The following RBMS1 variants were observed in gnomAD, a reference collection of about 807,000 sequenced individuals.
RBMS1 encodes RNA-binding motif, single-stranded-interacting protein 1.
Under a neutral mutation model 62.3 loss-of-function variants are expected in RBMS1, and 17 were observed. That is an observed-to-expected ratio of 0.27 (90% CI 0.19 to 0.41). The LOEUF (loss-of-function observed/expected upper bound fraction) is 0.41. Among genes scored for constraint, RBMS1 ranks in the 10% least tolerant of loss-of-function variants. The pLI is 1.00. For missense variants in RBMS1, 334 were observed against 504.5 expected (o/e 0.66, Z 3.24); for synonymous variants, 172 against 170.0 (o/e 1.01, Z -0.09).
chr2:160,392,000 TGTA>T (rs1459648848), intron 1 of RBMS1, among the ~76,000 whole-genome samples: 1 of 151,814 alleles, frequency 6.6e-6, no homozygotes, highest in Non-Finnish European at 1.5e-5. Context: ...TAATAACCAA[TGTA>T]GTAACGATTA....
intron 3 of RBMS1, 23 bp from the exon 4 acceptor site, chr2:160,313,270 G>C: frequency 6.2e-7 from 1 of 1,606,678 alleles, no homozygotes; most frequent in Non-Finnish European, 8.5e-7. Context: ...AACACACTTA[G>C]TATTTAAGCC....
Position 160,349,120 on chromosome 2 carries a change from T to C in RBMS1, c.251+18096A>G, listed in dbSNP as rs144482470. The stretch of plus-strand genomic sequence containing the variant: ...ATGAGTTACTAGTGGTTGTATTGTA[T>C]AGGGAAAGATTCCGAGGCTCAGCCA... On this transcript the variant is annotated intron_variant, in intron 2 of 13. Transcript: ENST00000348849. 1.6e-4 allele frequency among the ~76,000 whole-genome samples: 25 copies of C among 152,194 alleles called. No individual in the cohort carries two copies. In the East Asian group the frequency reaches 4.7e-3, roughly 28 times the overall value.
At chr2:160,392,363 T>C (rs1018455057) in intron 1 of RBMS1, among the ~76,000 whole-genome samples, 5 of 152,058 alleles carry the variant, frequency 3.3e-5, no homozygotes, top group African/African-American at 7.2e-5. Flanking sequence ...TTATATATTA[T>C]CTATGGCTGC....
chr2:160,436,254 T>G (rs1290118759), intron 1 of RBMS1, among the ~76,000 whole-genome samples: 1 of 152,240 alleles, frequency 6.6e-6, no homozygotes, highest in Non-Finnish European at 1.5e-5. Flanking sequence ...TCCTGGCAGC[T>G]TATTCCTCTC....
At chr2:160,388,628 G>C (rs921784076) in intron 1 of RBMS1, among the ~76,000 whole-genome samples, 2 of 152,076 alleles carry the variant, frequency 1.3e-5, no homozygotes, top group Non-Finnish European at 2.9e-5. Flanking sequence ...AATGACACTT[G>C]ACTTGTCACT....
rs545508451 is a variant in RBMS1 at position 160,473,169 on chromosome 2, C to T, written c.75+20120G>A. 5.9e-5 allele frequency among the ~76,000 whole-genome samples: 9 copies of T among 152,290 alleles called. No individual in the cohort carries two copies. The East Asian group carries it at 1.2e-3, about 20-fold the overall frequency. On this transcript the variant is annotated intron_variant, in intron 1 of 13. Coordinates refer to ENST00000348849, the MANE Select transcript of RBMS1 (RefSeq NM_016836.4). ...TTGATTAGTGCAGATTGCTCTGTCA[C>T]GTAAAACAAGCTGGCATTTGGAAAC...
At chr2:160,483,363 T>C (rs1375369125) in intron 1 of RBMS1, among the ~76,000 whole-genome samples, 1 of 152,232 alleles carries the variant, frequency 6.6e-6, no homozygotes, top group Non-Finnish European at 1.5e-5. Flanking sequence ...ATTAGGAGTA[T>C]ACATTTATCA....
chr2:160,349,583 A>G (rs138295218), intron 2 of RBMS1, among the ~76,000 whole-genome samples: 35 of 133,678 alleles, frequency 2.6e-4, no homozygotes, highest in African/African-American at 7.7e-4. Flanking sequence ...GAGAGAGAGA[A>G]AGGAAGGGAG....
rs1461354504 is a variant in RBMS1, at chr2:160,284,994, C to G, written c.806+1G>C. On this transcript the variant is annotated splice_donor_variant, in intron 8 of 13. Coordinates refer to ENST00000348849, the MANE Select transcript of RBMS1 (RefSeq NM_016836.4). LOFTEE classifies it high-confidence loss of function. ...ATTATGGATTTATTTTAACGACATA[C>G]CCGTTCTGTATAGCAGCTGTAGTTG... 6.2e-7 allele frequency: 1 copy of G among 1,612,494 alleles called. No homozygotes were observed. Among genetic ancestry groups the G allele is most frequent in the Non-Finnish European group, 8.5e-7 (1 of 1,178,490 alleles).
At chr2:160,383,641 T>C (rs7573858) in intron 1 of RBMS1, among the ~76,000 whole-genome samples, 3,243 of 152,334 alleles carry the variant, frequency 0.021, 122 homozygotes, top group African/African-American at 0.072. Flanking sequence ...TTTATTTGTG[T>C]TATGAATATT....
chr2:160,398,832 C>T (rs1414656783), intron 1 of RBMS1, among the ~76,000 whole-genome samples: 1 of 152,078 alleles, frequency 6.6e-6, no homozygotes, highest in Non-Finnish European at 1.5e-5. Flanking sequence ...ATTCCCGAGA[C>T]CTTCCCCTCC....
intron 1 of RBMS1, among the ~76,000 whole-genome samples, chr2:160,413,940 T>C (rs1242898512): frequency 1.3e-5 from 2 of 152,172 alleles, no homozygotes; most frequent in Non-Finnish European, 2.9e-5. Context: ...ATAATATTAA[T>C]AATGGTTATT....
At chr2:160,294,788 T>C (rs891006807) in intron 6 of RBMS1, among the ~76,000 whole-genome samples, 2 of 152,198 alleles carry the variant, frequency 1.3e-5, no homozygotes, top group Admixed American at 1.3e-4. Context: ...TATGAAATGT[T>C]ATGTCTACCT....
At chr2:160,282,477 C>T (rs1163843642) in intron 9 of RBMS1, 1 of 415,706 alleles carries the variant, frequency 2.4e-6, no homozygotes, top group Non-Finnish European at 4.7e-6. Context: ...GAGTGCAGGG[C>T]CCTCACTGGA....
intron 1 of RBMS1, among the ~76,000 whole-genome samples, chr2:160,389,695 T>C (rs1694756699): frequency 1.3e-5 from 1 of 75,006 alleles, no homozygotes; most frequent in Non-Finnish European, 2.5e-5. Flanking sequence ...AAGACTCTTG[T>C]CTCAAAAAAA....
intron 6 of RBMS1, among the ~76,000 whole-genome samples, chr2:160,294,439 T>C (rs904349893): frequency 2.6e-5 from 4 of 152,160 alleles, no homozygotes; most frequent in Admixed American, 6.5e-5. Flanking sequence ...GACCCAGCCA[T>C]GCCACTCGGG....
At chr2:160,375,969 C>T (rs1693975708) in intron 1 of RBMS1, among the ~76,000 whole-genome samples, 1 of 151,718 alleles carries the variant, frequency 6.6e-6, no homozygotes, top group African/African-American at 2.4e-5. Context: ...GTTCAGAATA[C>T]CTCTGCAATG....
chr2:160,349,267 A>C (rs1457033406), intron 2 of RBMS1, among the ~76,000 whole-genome samples: 1 of 152,156 alleles, frequency 6.6e-6, no homozygotes, highest in Non-Finnish European at 1.5e-5. Context: ...TGCTGATGTC[A>C]CCAATGAAGA....
intron 4 of RBMS1, among the ~76,000 whole-genome samples, chr2:160,309,894 T>C (rs925977922): frequency 6.6e-6 from 1 of 152,222 alleles, no homozygotes; most frequent in Admixed American, 6.5e-5. Flanking sequence ...GCTTGCTACT[T>C]GGAGCAGACC....
Sources: allele counts gnomAD v4.1 joint callset (sites outside exome capture counted in the v4.1 genomes callset), GRCh38; gene constraint gnomAD v4.1.1; transcripts MANE v1.5; gene names NCBI Gene and HGNC (gene_info 2026-07-23, HGNC 2026-07-21).